LRRK2: variants seen among roughly 807,000 people sequenced by gnomAD.
LRRK2 encodes leucine rich repeat kinase 2, also known as leucine-rich repeat serine/threonine-protein kinase 2.
LRRK2 carries 203 observed loss-of-function variants against 302.6 expected under a neutral mutation model. The ratio of observed to expected loss-of-function variants is 0.67; its 90% CI spans 0.60 to 0.75. The LOEUF is 0.75. Among genes scored for constraint, LRRK2 ranks in the 30% least tolerant of loss-of-function variants. LRRK2 has a pLI of 0.00. For missense variants in LRRK2, 2,830 were observed against 2,951.0 expected (o/e 0.96, Z 0.95); for synonymous variants, 1,066 against 1,031.9 (o/e 1.03, Z -0.63).
rs1453313503 is a variant in LRRK2 at position 40,259,515 on chromosome 12, C to A, written c.1454C>A (p.Pro485His). ...CTGGATATAATGGCAGCAGTGGTCCCCAAAATACTAACAGTTATGAAACGT... is the reference window on the plus strand; with the variant it reads ...CTGGATATAATGGCAGCAGTGGTCCACAAAATACTAACAGTTATGAAACGT... ...TSLDIMAAVV[P>H]KILTVMKRHE... Residue 485 changes from proline (P) to histidine (H), a missense_variant, in exon 13 of 51, where the codon CCC (proline) becomes CAC (histidine). By Grantham distance (77) the Pro-to-His change is moderately conservative. This residue lies in a region of LRRK2 where 2,121 missense variants were observed against 2,148.0 expected (regional missense o/e 0.99). Transcript: ENST00000298910. The A allele has an allele frequency of 6.2e-7, 1 of 1,613,218 alleles. No homozygotes were observed. The highest frequency in any genetic ancestry group is 8.5e-7 in the Non-Finnish European group (1 of 1,179,464).
intron 13 of LRRK2, among the ~76,000 whole-genome samples, chr12:40,261,304 A>C (rs1211453770): frequency 6.6e-6 from 1 of 152,178 alleles, no homozygotes; most frequent in Admixed American, 6.6e-5. Flanking sequence ...GACACTCAAA[A>C]ACCGTTTCTG....
At chr12:40,279,817 A>T (rs1489955814) in intron 18 of LRRK2, among the ~76,000 whole-genome samples, 2 of 152,228 alleles carry the variant, frequency 1.3e-5, no homozygotes, top group Admixed American at 6.5e-5. Context: ...TATTAGGTTT[A>T]AAGAATTTAT....
At chr12:40,324,388 A>G (rs991853448) in intron 38 of LRRK2, among the ~76,000 whole-genome samples, 2 of 152,204 alleles carry the variant, frequency 1.3e-5, no homozygotes, top group African/African-American at 2.4e-5. Flanking sequence ...ATCTACTCTC[A>G]TAGCAATTTA....
rs866517227 is a variant in LRRK2 at position 40,323,180 on chromosome 12, G to C, written c.5530G>C (p.Asp1844His). ...CTCAGGAGATCTCTTAGTAAATCCA[G>C]ATCAACCAAGGCTCACCATTCCAAT... ...AEEGDLLVNP[D>H]QPRLTIPISQ... The change falls in exon 38 of 51, where the codon GAT (aspartate) becomes CAT (histidine). Residue 1844 changes from aspartate (D) to histidine (H), a missense_variant. This residue lies in a region of LRRK2 where 2,121 missense variants were observed against 2,148.0 expected (regional missense o/e 0.99). Coordinates refer to ENST00000298910, the MANE Select transcript of LRRK2 (RefSeq NM_198578.4). 1 of 1,613,118 alleles carries C rather than the reference G, an allele frequency of 6.2e-7. No homozygotes were observed. Among genetic ancestry groups the C allele is most frequent in the Non-Finnish European group, 8.5e-7 (1 of 1,179,376 alleles).
intron 18 of LRRK2, among the ~76,000 whole-genome samples, chr12:40,283,042 T>C (rs1242446540): frequency 6.8e-6 from 1 of 148,126 alleles, no homozygotes; most frequent in Non-Finnish European, 1.5e-5. Context: ...ATAGGATTTT[T>C]TTAAAAAAAA....
intron 6 of LRRK2, among the ~76,000 whole-genome samples, chr12:40,241,828 T>C (rs1346180015): frequency 1.3e-5 from 2 of 152,170 alleles, no homozygotes; most frequent in Non-Finnish European, 2.9e-5. Context: ...TTTTTTTTGG[T>C]GATGTTTATA....
At chr12:40,363,139 C>T (rs1946765011) in intron 47 of LRRK2, among the ~76,000 whole-genome samples, 1 of 151,684 alleles carries the variant, frequency 6.6e-6, no homozygotes, top group Admixed American at 6.6e-5. Context: ...AAAAGTAAGA[C>T]CAAAGTAAAC....
intron 25 of LRRK2, among the ~76,000 whole-genome samples, chr12:40,301,835 A>G (rs1944638735): frequency 6.6e-6 from 1 of 152,138 alleles, no homozygotes; most frequent in African/African-American, 2.4e-5. Context: ...ATTGTGTTTC[A>G]CAGAATTTTA....
At chr12:40,349,013 G>C (rs1946277193) in intron 43 of LRRK2, among the ~76,000 whole-genome samples, 1 of 151,724 alleles carries the variant, frequency 6.6e-6, no homozygotes, top group Non-Finnish European at 1.5e-5. Context: ...CTTTCTTTTA[G>C]AGCTACAAAA....
chr12:40,247,436 A>G (rs2136459037), intron 7 of LRRK2, among the ~76,000 whole-genome samples: 1 of 146,062 alleles, frequency 6.8e-6, no homozygotes, highest in East Asian at 2.0e-4. Context: ...GAATCTACTT[A>G]TATACTGTAT....
intron 18 of LRRK2, among the ~76,000 whole-genome samples, chr12:40,281,739 T>C (rs950964456): frequency 5.9e-5 from 9 of 152,226 alleles, no homozygotes; most frequent in African/African-American, 2.2e-4. Flanking sequence ...CATGGCACCA[T>C]ATGCCTAAAG....
intron 14 of LRRK2, among the ~76,000 whole-genome samples, chr12:40,270,176 T>G (rs1458133002): frequency 6.6e-6 from 1 of 152,148 alleles, no homozygotes; most frequent in Non-Finnish European, 1.5e-5. Flanking sequence ...ACTATTAGAT[T>G]TAAAAGTATC....
At chr12:40,320,320 C>A (rs1442548947) in intron 34 of LRRK2, 145 bp downstream of exon 34, 2 of 640,532 alleles carry the variant, frequency 3.1e-6, no homozygotes, top group Non-Finnish European at 5.3e-6. Flanking sequence ...TGACATGTAT[C>A]ATTTATTTTG....
At chr12:40,361,560 G>A (rs948811456) in intron 47 of LRRK2, among the ~76,000 whole-genome samples, 1 of 151,838 alleles carries the variant, frequency 6.6e-6, no homozygotes, top group Non-Finnish European at 1.5e-5. Context: ...AAAAGAAAGG[G>A]CCTCCAGTTT....
At chr12:40,340,581 A>G in intron 41 of LRRK2, 127 bp downstream of exon 41, 4 of 950,338 alleles carry the variant, frequency 4.2e-6, no homozygotes, top group South Asian at 4.0e-5. Context: ...TTATTTTGTG[A>G]AAAAATGCAA....
rs536307415 is a variant in LRRK2 at position 40,351,586 on chromosome 12, C to T, written c.6429C>T (p.Arg2143=). ...NSAELVCLTR[R]ILLPKNVIVE... ...CTGAATTAGTCTGTCTGACGAGACG[C>T]ATTTTATTACCTAAAAACGTAATTG... The change falls in exon 44 of 51, where the codon CGC becomes CGT. Residue 2143 remains arginine, a synonymous_variant. Coordinates refer to ENST00000298910, the MANE Select transcript of LRRK2 (RefSeq NM_198578.4). 3 of 1,613,986 alleles carry T rather than the reference C, an allele frequency of 1.9e-6. No homozygotes were observed. The African/African-American group carries it at 4.0e-5, about 22-fold the overall frequency.
At chr12:40,228,681 T>G (rs1192516526) in intron 2 of LRRK2, among the ~76,000 whole-genome samples, 1 of 152,142 alleles carries the variant, frequency 6.6e-6, no homozygotes, top group Admixed American at 6.5e-5. Context: ...CACAGACCAA[T>G]GTCCTGTAGC....
At position 40,284,596 on chromosome 12, in the gene LRRK2, CTTTAT is replaced by C. The variant is rs550858709; in HGVS notation, c.2500+464_2500+468del. Among the ~76,000 whole-genome samples the C allele has an allele frequency of 2.3e-3, 344 of 152,094 alleles. 1 individual carries two copies. The highest frequency in any genetic ancestry group is 7.9e-3 in the African/African-American group (328 of 41,510). ...TTTGGCATTTTTAACTTAGAATATA[CTTTAT>C]ATTTCAATTGATAATGCATTTTCTT... On this transcript the variant is annotated intron_variant, in intron 19 of 50. Coordinates refer to ENST00000298910, the MANE Select transcript of LRRK2 (RefSeq NM_198578.4).
intron 46 of LRRK2, 126 bp downstream of exon 46, chr12:40,356,313 A>G (rs1946537725): frequency 1.5e-6 from 1 of 678,630 alleles, no homozygotes; most frequent in Non-Finnish European, 2.5e-6. Flanking sequence ...CTGTATTTGT[A>G]TTGCTTCATA....
Sources: gnomAD v4.1 joint callset for allele counts (sites outside exome capture counted in the v4.1 genomes callset) on GRCh38, gnomAD v4.1.1 for gene constraint, gnomAD v4.1.1 regional missense constraint, MANE v1.5 for transcripts, NCBI Gene and HGNC (gene_info 2026-07-23, HGNC 2026-07-21) for gene names.